The following TBCD variants were observed in gnomAD, a reference collection of about 807,000 sequenced individuals.
The protein encoded by TBCD is tubulin-specific chaperone D.
A neutral mutation model predicts 169.3 loss-of-function variants in TBCD; 105 were observed. The ratio of observed to expected loss-of-function variants is 0.62; its 90% CI spans 0.53 to 0.73. The LOEUF (loss-of-function observed/expected upper bound fraction) is 0.73, where lower values mean the gene tolerates loss of function less well. TBCD is among the 30% of genes least tolerant of loss of function. The probability of loss-of-function intolerance (pLI) is 0.00; values close to 1 mark genes in which losing one functional copy is unlikely to be tolerated. For missense variants in TBCD, 1,444 were observed against 1,600.1 expected (o/e 0.90, Z 1.66); for synonymous variants, 700 against 643.9 (o/e 1.09, Z -1.32).
At chr17:82,800,182 G>A (rs1344580840) in intron 8 of TBCD, among the ~76,000 whole-genome samples, 2 of 152,172 alleles carry the variant, frequency 1.3e-5, no homozygotes, top group African/African-American at 4.8e-5. Context: ...CTCTGAAGCC[G>A]CCATGCACTT....
intron 13 of TBCD, among the ~76,000 whole-genome samples, chr17:82,822,911 G>T (rs1261822201): frequency 6.6e-6 from 1 of 152,182 alleles, no homozygotes; most frequent in South Asian, 2.1e-4. Flanking sequence ...GGGTGGAAAA[G>T]CTTGAACCGG....
At chr17:82,853,869 CTTA>C (rs1287841873) in intron 13 of TBCD, among the ~76,000 whole-genome samples, 4 of 152,054 alleles carry the variant, frequency 2.6e-5, no homozygotes. Context: ...GTGTCTTTGT[CTTA>C]TTATATGAAT....
rs59331670 is a variant in TBCD, at chr17:82,917,019, C to CTTTTT, written c.2039-3533_2039-3532insTTTTT. On this transcript the variant is annotated intron_variant, in intron 23 of 38. Transcript: ENST00000355528. ...CAGTTTGGACTTTTTTTTTTCTTTT[C>CTTTTT]TTTTCTTTTTTTTTTTTTTGAGTTG... Among the ~76,000 whole-genome samples, 321 of 108,452 alleles carry CTTTTT rather than the reference C, an allele frequency of 3.0e-3. 8 individuals carry two copies. Among genetic ancestry groups the CTTTTT allele is most frequent in the South Asian group, 4.1e-3 (13 of 3,184 alleles). 71.1% of individuals were successfully genotyped at this position (108,452 alleles called of 152,430 possible). A position where few individuals can be genotyped will look rare whatever the true frequency, so the allele number is the denominator to read the frequency against.
Position 82,874,342 on chromosome 17 carries a change from G to T in TBCD, c.1475+3962G>T, listed in dbSNP as rs1313845401. On this transcript the variant is annotated intron_variant, in intron 14 of 38. Coordinates refer to ENST00000355528, the MANE Select transcript of TBCD (RefSeq NM_005993.5). This position sits in a 1 kb window ranked among gnomAD's most constrained non-coding sequence, Gnocchi z 5.0. ...ACAGCCAGGGCCTCCCCGGCATGTGGCGGGGCCAGCGTTGGCCTGGGTCCC... is the reference window on the plus strand; with the variant it reads ...ACAGCCAGGGCCTCCCCGGCATGTGTCGGGGCCAGCGTTGGCCTGGGTCCC... Among the ~76,000 whole-genome samples, 1 of 152,158 alleles carries T rather than the reference G, an allele frequency of 6.6e-6. No individual in the cohort carries two copies.
chr17:82,819,915 C>T (rs1410901335), intron 13 of TBCD, among the ~76,000 whole-genome samples: 4 of 151,976 alleles, frequency 2.6e-5, no homozygotes, highest in South Asian at 2.1e-4. Flanking sequence ...TGAACCCTTA[C>T]GGTTTCCTTT....
intron 21 of TBCD, among the ~76,000 whole-genome samples, chr17:82,908,610 T>C (rs542724117): frequency 5.3e-5 from 8 of 152,372 alleles, no homozygotes; most frequent in African/African-American, 1.9e-4. Flanking sequence ...CAAAGCCATT[T>C]TGTTTGCTTA....
In TBCD at chr17:82,905,835, C is replaced by T. The variant is rs558500439; in HGVS notation, c.1805-101C>T. On this transcript the variant is annotated intron_variant, in intron 19 of 38. Transcript: ENST00000355528. ...CCACAGGCCGTCCGTGTGTGCACGC[C>T]GTCGCCTGCCCTCCCGGCCCTGTGT... is the stretch of plus-strand genomic sequence containing the variant. 82 of 870,244 alleles carry T rather than the reference C, an allele frequency of 9.4e-5. No homozygotes were observed. In the South Asian group the frequency reaches 9.5e-4, roughly 10 times the overall value. 53.9% of individuals were successfully genotyped at this position (870,244 alleles called of 1,614,324 possible). A position where few individuals can be genotyped will look rare whatever the true frequency, so the allele number is the denominator to read the frequency against.
intron 37 of TBCD, among the ~76,000 whole-genome samples, chr17:82,941,123 C>CA (rs2063192319): frequency 1.3e-5 from 2 of 152,380 alleles, no homozygotes; most frequent in South Asian, 4.1e-4. Context: ...TTGGTCTGTC[C>CA]TCCCGCAGTC....
At chr17:82,778,367 T>A (rs910661854) in intron 6 of TBCD, among the ~76,000 whole-genome samples, 1 of 152,244 alleles carries the variant, frequency 6.6e-6, no homozygotes, top group Non-Finnish European at 1.5e-5. Context: ...ACCTTAATGC[T>A]GCTTCCTTCT....
intron 9 of TBCD, among the ~76,000 whole-genome samples, chr17:82,802,934 G>A (rs751980418): frequency 5.9e-5 from 9 of 152,280 alleles, no homozygotes; most frequent in Non-Finnish European, 1.2e-4. Context: ...CGATAATGAT[G>A]TGCGTGTTGC....
In TBCD at chr17:82,811,680, C is replaced by G. The variant is rs146144011; in HGVS notation, c.1223+1898C>G. 1.4e-3 allele frequency among the ~76,000 whole-genome samples: 206 copies of G among 152,242 alleles called. 1 individual carries two copies. Among genetic ancestry groups the G allele is most frequent in the African/African-American group, 4.7e-3 (195 of 41,538 alleles). On this transcript the variant is annotated intron_variant, in intron 12 of 38. Transcript: ENST00000355528. ...TGGACAGCGCCTGCTTTCCCTTTCG[C>G]TGGGTGCTCAGCATGTGATTGTCAA...
At chr17:82,830,830 G>C (rs1333844309) in intron 13 of TBCD, 2 of 1,613,314 alleles carry the variant, frequency 1.2e-6, no homozygotes, top group South Asian at 2.2e-5. Flanking sequence ...CGAGACGAGA[G>C]AGGCGCTTCC....
intron 13 of TBCD, among the ~76,000 whole-genome samples, chr17:82,846,370 C>CCTCTCGT (rs2055115425): frequency 2.6e-5 from 4 of 151,550 alleles, no homozygotes; most frequent in African/African-American, 9.7e-5. Context: ...TGCGCTGTGT[C>CCTCTCGT]CCATGTGCCG....
intron 13 of TBCD, chr17:82,830,060 C>T: frequency 1.9e-6 from 3 of 1,580,872 alleles, no homozygotes; most frequent in Non-Finnish European, 2.6e-6. Flanking sequence ...TGTGAAAGTG[C>T]CAGTTCAGAG....
chr17:82,816,700 AT>A (rs149333417), intron 13 of TBCD, among the ~76,000 whole-genome samples: 16,496 of 148,656 alleles, frequency 0.11, 1,199 homozygotes, highest in South Asian at 0.3. Context: ...TGCCACATTA[AT>A]TTTTTTTTTT....
intron 6 of TBCD, among the ~76,000 whole-genome samples, chr17:82,777,794 C>T (rs565948475): frequency 6.6e-6 from 1 of 152,162 alleles, no homozygotes; most frequent in Admixed American, 6.5e-5. Flanking sequence ...TGACTGATGT[C>T]AGGCCCTCCA....
In TBCD at chr17:82,927,226, G is replaced by A. The variant is rs755381482; in HGVS notation, c.2512G>A (p.Glu838Lys). The change falls in exon 29 of 39, where the codon GAA (glutamate) becomes AAA (lysine). Residue 838 changes from glutamate (E) to lysine (K), a missense_variant. Glu to Lys is a moderately conservative substitution (Grantham distance 56). Coordinates refer to ENST00000355528, the MANE Select transcript of TBCD (RefSeq NM_005993.5). ...TGGTGTGAAAGCAGGAGCCCCAGAC[G>A]AAGCTGTGTGCGGAGAGAATGTTTC... ...TVGVKAGAPD[E>K]AVCGENVSQI... 3.1e-5 allele frequency: 50 copies of A among 1,614,056 alleles called. No homozygotes were observed. Among genetic ancestry groups the A allele is most frequent in the Middle Eastern group, 1.6e-4 (1 of 6,062 alleles).
At chr17:82,897,390 C>T (rs113611639) in intron 17 of TBCD, among the ~76,000 whole-genome samples, 1,779 of 151,884 alleles carry the variant, frequency 0.012, 33 homozygotes, top group African/African-American at 0.04. Flanking sequence ...TGGTGGCGCA[C>T]CCCTGTAATC....
intron 24 of TBCD, chr17:82,921,254 G>T: frequency 1.8e-6 from 1 of 551,250 alleles, no homozygotes; most frequent in Non-Finnish European, 3.2e-6. Context: ...CCCAAAATGT[G>T]ATGTATAAAA....
Sources: allele counts gnomAD v4.1 joint callset (sites outside exome capture counted in the v4.1 genomes callset), GRCh38; gene constraint gnomAD v4.1.1; non-coding constraint Gnocchi (gnomAD v3.1); transcripts MANE v1.5; gene names NCBI Gene and HGNC (gene_info 2026-07-23, HGNC 2026-07-21).